Variants in MEIS2 observed in about 807,000 individuals in gnomAD.
MEIS2 encodes the protein homeobox protein Meis2.
MEIS2 carries 9 observed loss-of-function variants against 58.6 expected under a neutral mutation model. That is an observed-to-expected ratio of 0.15 (90% confidence interval 0.09 to 0.27). MEIS2 has a LOEUF of 0.27. MEIS2 is among the 10% of genes least tolerant of loss of function. The pLI is 1.00. For missense variants in MEIS2, 427 were observed against 635.0 expected, an observed-to-expected ratio of 0.67 and a Z score of 3.52; for synonymous variants, 221 against 228.4, an observed-to-expected ratio of 0.97 and a Z score of 0.29.
chr15:37,096,255 C>A, intron 3 of MEIS2, 34 bp downstream of exon 3: 1 of 1,551,268 alleles, frequency 6.4e-7, no homozygotes, highest in African/African-American at 1.4e-5. Flanking sequence ...TAGTGAGGGA[C>A]TGCCCGAAGT....
chr15:36,918,364 A>G (rs2057364928), intron 9 of MEIS2, among the ~76,000 whole-genome samples: 1 of 152,232 alleles, frequency 6.6e-6, no homozygotes, highest in Non-Finnish European at 1.5e-5. Flanking sequence ...CAAATGTAAA[A>G]TGAGAATAAA....
chr15:37,088,710 T>C lies in MEIS2; in HGVS notation c.640-4825A>G, dbSNP rs78059950. Reference sequence around the variant, plus strand: ...TCTATTAAGCTTTGGGATTAATATGTAAGCAACTCTCACAGAAGTGGCAAG... The same window carrying C: ...TCTATTAAGCTTTGGGATTAATATGCAAGCAACTCTCACAGAAGTGGCAAG... On this transcript the variant is annotated intron_variant, in intron 6 of 11. Transcript: ENST00000561208. Among the ~76,000 whole-genome samples the C allele has an allele frequency of 3.9e-5, 6 of 152,308 alleles. No individual in the cohort carries two copies. In the East Asian group the frequency reaches 9.6e-4, roughly 24 times the overall value.
At chr15:37,001,146 G>C (rs936964610) in intron 8 of MEIS2, among the ~76,000 whole-genome samples, 1 of 152,154 alleles carries the variant, frequency 6.6e-6, no homozygotes, top group South Asian at 2.1e-4. Context: ...GGGGGCTCAG[G>C]CTTCAAGTAA....
intron 6 of MEIS2, among the ~76,000 whole-genome samples, chr15:37,090,635 T>A (rs1379019461): frequency 6.6e-6 from 1 of 152,066 alleles, no homozygotes; most frequent in South Asian, 2.1e-4. Context: ...CTTTTCTCTC[T>A]CTCCTTGCAT....
chr15:36,949,730 C>T (rs2058689971), intron 9 of MEIS2, among the ~76,000 whole-genome samples: 1 of 151,966 alleles, frequency 6.6e-6, no homozygotes, highest in Non-Finnish European at 1.5e-5. Context: ...TAATCCTCTG[C>T]CCCTCCTTTT....
chr15:36,996,076 T>C (rs1444747299), intron 8 of MEIS2, among the ~76,000 whole-genome samples: 3 of 147,346 alleles, frequency 2.0e-5, no homozygotes, highest in Non-Finnish European at 3.0e-5. Context: ...TATATATATA[T>C]ATATTTTTAA....
intron 9 of MEIS2, among the ~76,000 whole-genome samples, chr15:36,901,640 G>A (rs2056478624): frequency 6.6e-6 from 1 of 152,138 alleles, no homozygotes; most frequent in East Asian, 1.9e-4. Context: ...TACTAGATTT[G>A]CCTACACCTT....
rs878956602 is a variant in MEIS2, at chr15:36,891,833, AT to A, written c.*339del. The A allele has an allele frequency of 1.2e-3, 375 of 309,646 alleles. 4 individuals carry two copies. Among genetic ancestry groups the A allele is most frequent in the South Asian group, 7.6e-3 (183 of 24,076 alleles). The allele number at this position is 309,646 out of a possible 1,614,324, so 19.2% of individuals were successfully genotyped here. On this transcript the variant is annotated 3_prime_UTR_variant, in exon 12 of 12. Transcript: ENST00000561208. The stretch of plus-strand genomic sequence containing the variant: ...CACATAGTGTGGAAAACAAGGATAT[AT>A]TTTTTTTTCTCTTCTAAAACTATTT...
At chr15:37,025,651 T>C (rs951560398) in intron 8 of MEIS2, among the ~76,000 whole-genome samples, 6 of 151,968 alleles carry the variant, frequency 3.9e-5, no homozygotes, top group Non-Finnish European at 7.4e-5. Flanking sequence ...TATATATACA[T>C]TTTAAATAAG....
chr15:37,047,696 A>G (rs564442545), intron 7 of MEIS2, among the ~76,000 whole-genome samples: 2 of 152,352 alleles, frequency 1.3e-5, no homozygotes, highest in South Asian at 4.1e-4. Context: ...TTGTTATGAT[A>G]TATGAGTCTC....
At chr15:36,972,808 T>C (rs2059613502) in intron 8 of MEIS2, 1 of 152,170 alleles carries the variant, frequency 6.6e-6, no homozygotes, top group South Asian at 2.1e-4. Flanking sequence ...ACACTTTTTT[T>C]TTTCTGTGCA....
chr15:37,043,045 T>G (rs1424244849), intron 7 of MEIS2, among the ~76,000 whole-genome samples: 6 of 152,244 alleles, frequency 3.9e-5, no homozygotes, highest in African/African-American at 1.4e-4. Context: ...CTGCGACATT[T>G]GGCACACTGT....
chr15:36,929,898 G>A (rs768308466), intron 9 of MEIS2, among the ~76,000 whole-genome samples: 14 of 152,220 alleles, frequency 9.2e-5, no homozygotes, highest in East Asian at 5.8e-4. Flanking sequence ...GAAATCAGTT[G>A]AGGATTAAAA....
intron 9 of MEIS2, among the ~76,000 whole-genome samples, chr15:36,924,635 C>T (rs539634490): frequency 6.6e-6 from 1 of 152,272 alleles, no homozygotes; most frequent in African/African-American, 2.4e-5. Flanking sequence ...TCAAAGCATA[C>T]GAGGCACCGA....
At chr15:37,065,803 T>C (rs1889853231) in intron 7 of MEIS2, among the ~76,000 whole-genome samples, 1 of 152,182 alleles carries the variant, frequency 6.6e-6, no homozygotes, top group Non-Finnish European at 1.5e-5. Context: ...CACTAACTCT[T>C]CAGTTTTTTG....
chr15:36,914,315 A>T (rs1450153101), intron 9 of MEIS2, among the ~76,000 whole-genome samples: 1 of 152,254 alleles, frequency 6.6e-6, no homozygotes, highest in African/African-American at 2.4e-5. Flanking sequence ...GGCAAATATA[A>T]ATCGGACTGA....
intron 8 of MEIS2, among the ~76,000 whole-genome samples, chr15:37,029,165 A>C (rs2061816469): frequency 6.6e-6 from 1 of 152,154 alleles, no homozygotes. Context: ...GCAAAGGCTA[A>C]GGCTAGGGGC....
At chr15:36,920,364 C>A (rs2057455369) in intron 9 of MEIS2, among the ~76,000 whole-genome samples, 1 of 152,154 alleles carries the variant, frequency 6.6e-6, no homozygotes, top group East Asian at 1.9e-4. Flanking sequence ...TCAGGTTGGT[C>A]TCGAACTCCC....
chr15:37,021,091 G>A (rs1003894308), intron 8 of MEIS2, among the ~76,000 whole-genome samples: 1 of 152,136 alleles, frequency 6.6e-6, no homozygotes, highest in African/African-American at 2.4e-5. Flanking sequence ...CCAGAACTGT[G>A]AGAAAATAAA....
Sources: allele counts gnomAD v4.1 joint callset (sites outside exome capture counted in the v4.1 genomes callset), GRCh38; gene constraint gnomAD v4.1.1; transcripts MANE v1.5; gene names NCBI Gene and HGNC (gene_info 2026-07-23, HGNC 2026-07-21).